The following RSAD1 variants were observed in gnomAD, a reference collection of about 807,000 sequenced individuals.
The protein encoded by RSAD1 is radical S-adenosyl methionine domain-containing protein 1, mitochondrial.
Under a neutral mutation model 46.2 loss-of-function variants are expected in RSAD1, and 34 were observed. The observed-to-expected ratio is 0.74, with a 90% CI of 0.56 to 0.98. RSAD1 has a LOEUF of 0.98. Among genes scored for constraint, RSAD1 ranks in the 50% least tolerant of loss-of-function variants. The pLI is 0.00. For missense variants in RSAD1, 635 were observed against 592.3 expected (o/e 1.07, Z -0.75); for synonymous variants, 260 against 253.5 (o/e 1.03, Z -0.24).
chr17:50,484,205 G>T (rs1001320411), intron 7 of RSAD1: 14 of 533,704 alleles, frequency 2.6e-5, no homozygotes, highest in South Asian at 4.7e-5. Flanking sequence ...GGGGAGGGAA[G>T]AGAGGAGGCA....
chr17:50,479,113 A>G (rs1040338118), intron 1 of RSAD1, 94 bp downstream of exon 1: 12 of 1,227,708 alleles, frequency 9.8e-6, no homozygotes, highest in African/African-American at 1.6e-5. Context: ...TTGTCACTCT[A>G]TGAACCCGCC....
At chr17:50,480,133 C>T (rs757893533) in intron 3 of RSAD1, 49 bp downstream of exon 3, 2 of 1,575,258 alleles carry the variant, frequency 1.3e-6, no homozygotes, top group Non-Finnish European at 1.7e-6. Context: ...CCTTCAGTGC[C>T]ATCTCCTCTT....
intron 7 of RSAD1, chr17:50,484,095 T>A: frequency 2.3e-6 from 1 of 438,286 alleles, no homozygotes; most frequent in African/African-American, 2.0e-5. Context: ...TAGGGAGCAC[T>A]GAAACCTCTC....
chr17:50,479,576 C>G, intron 1 of RSAD1, 53 bp from the exon 2 acceptor site: 1 of 1,608,934 alleles, frequency 6.2e-7, no homozygotes, highest in Non-Finnish European at 8.5e-7. Context: ...GCGACTGAAC[C>G]CTGGAAGTGG....
At chr17:50,483,189 A>AAAAG (rs1555615309) in intron 5 of RSAD1, 151 bp from the exon 6 acceptor site, 71,601 of 258,282 alleles carry the variant, frequency 0.28, 9,011 homozygotes, top group East Asian at 0.46. Flanking sequence ...AAAAAAAAAA[A>AAAAG]AAAGAAAGAA....
At chr17:50,481,142 A>G (rs1175170086) in intron 3 of RSAD1, among the ~76,000 whole-genome samples, 1 of 152,242 alleles carries the variant, frequency 6.6e-6, no homozygotes, top group African/African-American at 2.4e-5. Flanking sequence ...ATGAGAGACA[A>G]AGAAAGGCTG....
intron 7 of RSAD1, chr17:50,484,056 T>C (rs751401044): frequency 2.1e-5 from 10 of 484,584 alleles, no homozygotes; most frequent in South Asian, 3.1e-5. Context: ...TGTGAAGCAA[T>C]AGATAGATAA....
chr17:50,481,041 AT>A (rs1334298571), intron 3 of RSAD1, among the ~76,000 whole-genome samples: 1 of 152,166 alleles, frequency 6.6e-6, no homozygotes, highest in African/African-American at 2.4e-5. Context: ...CATTTAAATA[AT>A]TATAATTCGT....
At position 50,479,931 on chromosome 17, in the gene RSAD1, C is replaced by T; in HGVS notation, c.321C>T (p.His107=). The T allele has an allele frequency of 1.2e-6, 2 of 1,614,224 alleles. No individual in the cohort carries two copies. The highest frequency in any genetic ancestry group is 2.2e-5 in the East Asian group (1 of 44,886). The stretch of plus-strand genomic sequence containing the variant: ...GGACCCCCAGTCTAGCCAGTCCCCA[C>T]ACGGTGGCTGCTGTCCTGGAGGCTG... The part of the protein sequence containing the change: ...GGGTPSLASP[H]TVAAVLEAVA... Residue 107 remains histidine (H), a synonymous_variant, in exon 3 of 9, where the codon CAC becomes CAT. Coordinates refer to ENST00000258955, the MANE Select transcript of RSAD1 (RefSeq NM_018346.3).
chr17:50,480,175 T>C (rs1463875309), intron 3 of RSAD1, 91 bp downstream of exon 3: 5 of 1,358,224 alleles, frequency 3.7e-6, no homozygotes, highest in South Asian at 2.4e-5. Flanking sequence ...CAAACATTGA[T>C]TGAGCACCTT....
Position 50,479,345 on chromosome 17 carries a change from A to G in RSAD1, c.136-284A>G, listed in dbSNP as rs1339708551. 4 of 489,914 alleles carry G rather than the reference A, an allele frequency of 8.2e-6. No homozygotes were observed. In the East Asian group the frequency reaches 1.4e-4, roughly 17 times the overall value. The allele number at this position is 489,914 out of a possible 1,614,324, so 30.3% of individuals were successfully genotyped here. Reference sequence around the variant, plus strand: ...GGAAAATGGCTCATAGGAAAATTGTATGAAAATTATATGATCCCAGAAAGA... The same window carrying G: ...GGAAAATGGCTCATAGGAAAATTGTGTGAAAATTATATGATCCCAGAAAGA... On this transcript the variant is annotated intron_variant, in intron 1 of 8. Coordinates refer to ENST00000258955, the MANE Select transcript of RSAD1 (RefSeq NM_018346.3).
At chr17:50,479,542 GTGGGGGTGGGGT>G in intron 1 of RSAD1, 75 bp from the exon 2 acceptor site, 1 of 1,555,196 alleles carries the variant, frequency 6.4e-7, no homozygotes, top group Non-Finnish European at 8.8e-7. Flanking sequence ...CGGGATAGGG[GTGGGGGTGGGGT>G]TGGGGGTGTG....
chr17:50,479,652 C>T lies in RSAD1; in HGVS notation c.159C>T (p.Cys53=). 1 of 1,613,868 alleles carries T rather than the reference C, an allele frequency of 6.2e-7. No individual in the cohort carries two copies. Among genetic ancestry groups the T allele is most frequent in the Non-Finnish European group, 8.5e-7 (1 of 1,180,040 alleles). ...YVHWPYCEKR[C]SYCNFNKYIP... is the part of the protein sequence containing the mutation. ...AGTGGCCTTACTGCGAGAAGCGCTG[C>T]AGTTACTGCAACTTCAACAAGTACA... Residue 53 remains cysteine (C), a synonymous_variant, in exon 2 of 9, where the codon TGC becomes TGT. Coordinates refer to ENST00000258955, the MANE Select transcript of RSAD1 (RefSeq NM_018346.3).
rs2290862 is a variant in RSAD1, at chr17:50,479,965, G to A, written c.355G>A (p.Ala119Thr). 976,196 of 1,613,890 alleles carry A rather than the reference G, an allele frequency of 0.6. 302,979 individuals carry two copies. The highest frequency in any genetic ancestry group is 0.87 in the African/African-American group (65,603 of 74,992). The change falls in exon 3 of 9, where the codon GCA (alanine) becomes ACA (threonine). Residue 119 changes from alanine (A) to threonine (T), a missense_variant. Transcript: ENST00000258955. ...VAAVLEAVAQ[A>T]AHLPADLEVT... is the part of the protein sequence containing the mutation. Reference sequence around the variant, plus strand: ...TGCTGTCCTGGAGGCTGTGGCACAGGCAGCCCACCTGCCTGCAGACTTGGA... The same window carrying A: ...TGCTGTCCTGGAGGCTGTGGCACAGACAGCCCACCTGCCTGCAGACTTGGA...
chr17:50,483,769 T>G lies in RSAD1; in HGVS notation c.1107+9T>G, dbSNP rs1040763190. Reference sequence around the variant, plus strand: ...TGGGGATCACTCACCAGGTAAGGAGTTAGGATTCTTGCACACCACTCCCTC... The same window carrying G: ...TGGGGATCACTCACCAGGTAAGGAGGTAGGATTCTTGCACACCACTCCCTC... On this transcript the variant is annotated intron_variant, in intron 7 of 8. Transcript: ENST00000258955. 5 of 1,602,578 alleles carry G rather than the reference T, an allele frequency of 3.1e-6. No homozygotes were observed. The African/African-American group carries it at 5.4e-5, about 17-fold the overall frequency.
In RSAD1 at chr17:50,479,096, T is replaced by C. The variant is rs548838048; in HGVS notation, c.135+77T>C. 27 of 1,260,016 alleles carry C rather than the reference T, an allele frequency of 2.1e-5. No homozygotes were observed. The East Asian group carries it at 6.3e-4, about 30-fold the overall frequency. 78.1% of individuals were successfully genotyped at this position (1,260,016 alleles called of 1,614,324 possible). A position where few individuals can be genotyped will look rare whatever the true frequency, so the allele number is the denominator to read the frequency against. ...TGACCGTGGCCGTCCAAAACCCAGGTGGCGGTTTGTCACTCTATGAACCCG... is the reference window on the plus strand; with the variant it reads ...TGACCGTGGCCGTCCAAAACCCAGGCGGCGGTTTGTCACTCTATGAACCCG... On this transcript the variant is annotated intron_variant, in intron 1 of 8. Coordinates refer to ENST00000258955, the MANE Select transcript of RSAD1 (RefSeq NM_018346.3).
intron 1 of RSAD1, 165 bp from the exon 2 acceptor site, chr17:50,479,464 A>G: frequency 2.7e-6 from 2 of 747,624 alleles, no homozygotes; most frequent in Non-Finnish European, 4.2e-6. Context: ...AGTGGATGTA[A>G]TAACCCCAGT....
At position 50,478,929 on chromosome 17, in the gene RSAD1, C is replaced by T; in HGVS notation, c.45C>T (p.Ala15=). The T allele has an allele frequency of 2.2e-6, 3 of 1,358,438 alleles. No homozygotes were observed. The highest frequency in any genetic ancestry group is 2.8e-6 in the Non-Finnish European group (3 of 1,062,234). 84.1% of individuals were successfully genotyped at this position (1,358,438 alleles called of 1,614,324 possible). The change falls in exon 1 of 9, where the codon GCC becomes GCT. Residue 15 remains alanine (A), a synonymous_variant. Coordinates refer to ENST00000258955, the MANE Select transcript of RSAD1 (RefSeq NM_018346.3). ...GGGCTCGCGGCTGGGCGGCAGCAGC[C>T]AGAGCGGCCCAGAGGCGCCGCCGCG... ...GARARGWAAA[A]RAAQRRRRVE... is the part of the protein sequence containing the mutation.
intron 1 of RSAD1, chr17:50,479,332 A>T (rs1198585821): frequency 4.1e-6 from 2 of 491,568 alleles, no homozygotes; most frequent in African/African-American, 4.0e-5. Context: ...AAAATGGCTC[A>T]TAGGAAAATT....
Sources: allele counts gnomAD v4.1 joint callset (sites outside exome capture counted in the v4.1 genomes callset), GRCh38; gene constraint gnomAD v4.1.1; transcripts MANE v1.5; gene names NCBI Gene and HGNC (gene_info 2026-07-23, HGNC 2026-07-21).